The following BRD4 variants were observed in gnomAD, a reference collection of about 807,000 sequenced individuals.
BRD4 encodes the protein bromodomain containing 4.
BRD4 carries 16 observed loss-of-function variants against 142.1 expected under a neutral mutation model. That is an observed-to-expected ratio of 0.11 (90% CI 0.08 to 0.17). The LOEUF (loss-of-function observed/expected upper bound fraction) is 0.17. BRD4 is among the 10% of genes least tolerant of loss of function. The pLI is 1.00. For missense variants in BRD4, 1,424 were observed against 1,810.9 expected, an observed-to-expected ratio of 0.79 and a Z score of 3.88; for synonymous variants, 833 against 707.5, an observed-to-expected ratio of 1.18 and a Z score of -2.82.
intron 6 of BRD4, among the ~76,000 whole-genome samples, chr19:15,263,857 GAC>G (rs1406298533): frequency 1.3e-5 from 2 of 152,206 alleles, no homozygotes; most frequent in Non-Finnish European, 2.9e-5. Flanking sequence ...TCATCGTGAT[GAC>G]ACAGTACAGG....
intron 11 of BRD4, chr19:15,248,974 C>T: frequency 2.0e-6 from 1 of 512,076 alleles, no homozygotes; most frequent in South Asian, 2.3e-5. Context: ...TTGTCATCAC[C>T]CTCCAGGAGA....
chr19:15,301,215 A>G (rs2047864539), intron 1 of BRD4, among the ~76,000 whole-genome samples: 1 of 152,258 alleles, frequency 6.6e-6, no homozygotes, highest in African/African-American at 2.4e-5. Flanking sequence ...GCCATTTTCC[A>G]TTTAATATGA....
chr19:15,314,729 C>A (rs1173601559), intron 1 of BRD4, among the ~76,000 whole-genome samples: 2 of 152,182 alleles, frequency 1.3e-5, no homozygotes, highest in African/African-American at 2.4e-5. Flanking sequence ...TGTTCCAAGC[C>A]CCCTTCAAAG....
intron 7 of BRD4, among the ~76,000 whole-genome samples, chr19:15,261,528 C>T (rs888852303): frequency 5.9e-5 from 9 of 152,062 alleles, no homozygotes; most frequent in African/African-American, 2.2e-4. Flanking sequence ...AGCCTGAACT[C>T]CTTCAAGGAT....
At chr19:15,288,249 T>C (rs139531007) in intron 1 of BRD4, among the ~76,000 whole-genome samples, 2 of 152,256 alleles carry the variant, frequency 1.3e-5, no homozygotes, top group Non-Finnish European at 2.9e-5. Context: ...TTAAGAAATG[T>C]TTGCTGAAGT....
Position 15,239,902 on chromosome 19 carries a change from C to T in BRD4, c.3282+8G>A, listed in dbSNP as rs369685357. On this transcript the variant is annotated splice_region_variant and intron_variant, in intron 15 of 19. Transcript: ENST00000679869. This position sits in a 1 kb window ranked among gnomAD's most constrained non-coding sequence, Gnocchi z 7.4. ...CCCACAGGACTATGGCCCAGCCCTG[C>T]CAGTTACCTGTTTCTTAGGCTGGAC... 28 of 1,613,958 alleles carry T rather than the reference C, an allele frequency of 1.7e-5. No homozygotes were observed. Among genetic ancestry groups the T allele is most frequent in the Non-Finnish European group, 2.3e-5 (27 of 1,180,014 alleles).
chr19:15,327,013 G>A (rs1478319000), intron 1 of BRD4, among the ~76,000 whole-genome samples: 1 of 152,120 alleles, frequency 6.6e-6, no homozygotes, highest in African/African-American at 2.4e-5. Context: ...ACCAAACGGT[G>A]ACCAAACCAT....
rs541671006 is a variant in BRD4 at position 15,293,195 on chromosome 19, G to A, written c.-34-20062C>T. On this transcript the variant is annotated intron_variant, in intron 1 of 19. Transcript: ENST00000679869. ...AACCTCAGGTGCCAATATAAAAACCGAAGCTAAAAAACAAGCCTGAAACCA... is the reference window on the plus strand; with the variant it reads ...AACCTCAGGTGCCAATATAAAAACCAAAGCTAAAAAACAAGCCTGAAACCA... Among the ~76,000 whole-genome samples, 8 of 152,230 alleles carry A rather than the reference G, an allele frequency of 5.3e-5. No homozygotes were observed. The South Asian group carries it at 1.4e-3, about 28-fold the overall frequency.
intron 7 of BRD4, among the ~76,000 whole-genome samples, chr19:15,260,195 G>GAA (rs2047454267): frequency 1.3e-5 from 2 of 152,244 alleles, no homozygotes; most frequent in Non-Finnish European, 2.9e-5. Flanking sequence ...GTGGAACACA[G>GAA]GTTTTCTCAA....
At chr19:15,330,989 C>T (rs887507136) in intron 1 of BRD4, among the ~76,000 whole-genome samples, 1 of 152,104 alleles carries the variant, frequency 6.6e-6, no homozygotes, top group Non-Finnish European at 1.5e-5. Context: ...GTTTTTGGAA[C>T]CACGGACTGG....
At chr19:15,322,527 G>C (rs2048070462) in intron 1 of BRD4, among the ~76,000 whole-genome samples, 2 of 148,896 alleles carry the variant, frequency 1.3e-5, no homozygotes, top group East Asian at 2.0e-4. Context: ...GGCTAACACG[G>C]TGAAACCCCG....
intron 1 of BRD4, among the ~76,000 whole-genome samples, chr19:15,322,103 AC>A (rs201181732): frequency 6.6e-6 from 1 of 151,782 alleles, no homozygotes. Flanking sequence ...CTCTGACATG[AC>A]CCCCCCATAA....
At chr19:15,259,301 T>A (rs1320112842) in intron 7 of BRD4, among the ~76,000 whole-genome samples, 1 of 152,222 alleles carries the variant, frequency 6.6e-6, no homozygotes, top group Admixed American at 6.5e-5. Context: ...TGCCCTCTAC[T>A]GAGTGGTAGC....
At chr19:15,254,341 C>T in intron 10 of BRD4, 79 bp from the exon 11 acceptor site, 1 of 1,228,922 alleles carries the variant, frequency 8.1e-7, no homozygotes, top group South Asian at 1.2e-5. Context: ...ACACCCCATC[C>T]ATCTGGAGGA....
In BRD4 at chr19:15,259,054, A is replaced by G. The variant is rs183146859; in HGVS notation, c.1342-1881T>C. Among the ~76,000 whole-genome samples the G allele has an allele frequency of 5.3e-5, 8 of 152,202 alleles. No homozygotes were observed. The East Asian group carries it at 1.5e-3, about 29-fold the overall frequency. On this transcript the variant is annotated intron_variant, in intron 7 of 19. Coordinates refer to ENST00000679869, the MANE Select transcript of BRD4 (RefSeq NM_001379291.1). ...ACATCAGAGTGGAGGCCCCAGTGAG[A>G]GAGTAAGACAGATCCCTAGCCCTGC...
At chr19:15,301,849 G>A (rs190637949) in intron 1 of BRD4, among the ~76,000 whole-genome samples, 209 of 141,414 alleles carry the variant, frequency 1.5e-3, no homozygotes, top group Middle Eastern at 3.8e-3. Flanking sequence ...GCGACAGAGC[G>A]AGACTCCGTC....
chr19:15,309,952 C>G (rs371197713), intron 1 of BRD4, among the ~76,000 whole-genome samples: 1 of 152,168 alleles, frequency 6.6e-6, no homozygotes. Context: ...GGGGGCTCCT[C>G]TCACCTGTTC....
intron 1 of BRD4, among the ~76,000 whole-genome samples, chr19:15,324,486 G>A (rs1402830821): frequency 6.6e-6 from 1 of 152,178 alleles, no homozygotes; most frequent in Admixed American, 6.5e-5. Flanking sequence ...TCCCAGTCAG[G>A]ACCTCCACAC....
At chr19:15,253,476 C>T (rs200977200) in intron 11 of BRD4, 32 of 1,390,544 alleles carry the variant, frequency 2.3e-5, no homozygotes, top group Non-Finnish European at 3.0e-5. Flanking sequence ...TGCAGACCCA[C>T]GGGGCTTGAA....
Sources: gnomAD v4.1 joint callset for allele counts (sites outside exome capture counted in the v4.1 genomes callset) on GRCh38, gnomAD v4.1.1 for gene constraint, Gnocchi (gnomAD v3.1) non-coding constraint, MANE v1.5 for transcripts, NCBI Gene and HGNC (gene_info 2026-07-23, HGNC 2026-07-21) for gene names.